ZBTB25: variants seen among roughly 807,000 people sequenced by gnomAD.
ZBTB25 encodes the protein zinc finger and BTB domain-containing protein 25.
ZBTB25 carries 20 observed loss-of-function variants against 34.2 expected under a neutral mutation model. That is an observed-to-expected ratio of 0.58 (90% CI 0.41 to 0.85). The LOEUF (loss-of-function observed/expected upper bound fraction) is 0.85, where lower values mean the gene tolerates loss of function less well. ZBTB25 is among the 40% of genes least tolerant of loss of function. ZBTB25 has a pLI of 0.00. For missense variants in ZBTB25, 437 were observed against 521.8 expected, an observed-to-expected ratio of 0.84 and a Z score of 1.58; for synonymous variants, 175 against 186.4, an observed-to-expected ratio of 0.94 and a Z score of 0.50.
intron 1 of ZBTB25, among the ~76,000 whole-genome samples, chr14:64,500,475 AAG>A (rs1555345815): frequency 5.7e-5 from 4 of 70,600 alleles, no homozygotes; most frequent in East Asian, 7.5e-4. Context: ...AAAAAAAAAA[AAG>A]AGAGAGAGAG....
At position 64,484,781 on chromosome 14, in the gene ZBTB25, T is replaced by C. The variant is rs1425681858; in HGVS notation, c.*2142A>G. 2 of 155,024 alleles carry C rather than the reference T, an allele frequency of 1.3e-5. No homozygotes were observed. The highest frequency in any genetic ancestry group is 4.8e-5 in the African/African-American group (2 of 41,496). 9.6% of individuals were successfully genotyped at this position (155,024 alleles called of 1,614,324 possible). ...CTTAATAAGAACAATAGAATTTGAATTGAAGAAGGCTAGGAAATATATCTT... is the reference window on the plus strand; with the variant it reads ...CTTAATAAGAACAATAGAATTTGAACTGAAGAAGGCTAGGAAATATATCTT... On this transcript the variant is annotated 3_prime_UTR_variant, in exon 3 of 3. Transcript: ENST00000608382.
intron 2 of ZBTB25, among the ~76,000 whole-genome samples, chr14:64,456,338 G>A (rs1487040140): frequency 6.6e-6 from 1 of 152,174 alleles, no homozygotes; most frequent in Non-Finnish European, 1.5e-5. Context: ...TGCCGTTGGG[G>A]CCTTAACGAG....
At chr14:64,499,923 T>C (rs1005510052) in intron 1 of ZBTB25, among the ~76,000 whole-genome samples, 2 of 152,198 alleles carry the variant, frequency 1.3e-5, no homozygotes, top group African/African-American at 4.8e-5. Context: ...AAACGTTAGT[T>C]TGGGGCCTCC....
intron 2 of ZBTB25, among the ~76,000 whole-genome samples, chr14:64,489,199 G>C (rs1263877576): frequency 6.6e-6 from 1 of 152,052 alleles, no homozygotes; most frequent in Non-Finnish European, 1.5e-5. Flanking sequence ...AGTGAGCTGA[G>C]ATCATGCCAC....
intron 1 of ZBTB25, among the ~76,000 whole-genome samples, chr14:64,495,662 T>G (rs2079246130): frequency 6.6e-6 from 1 of 152,230 alleles, no homozygotes; most frequent in South Asian, 2.1e-4. Context: ...TATTAATTTT[T>G]AAAACTTTTA....
chr14:64,474,595 A>G (rs546415563), downstream of ZBTB25: 16 of 163,722 alleles, frequency 9.8e-5, no homozygotes, highest in African/African-American at 3.8e-4. Context: ...CTGAGTTCGC[A>G]CTACCAAAAG....
At chr14:64,488,099 C>T in intron 2 of ZBTB25, 42 bp from the exon 3 acceptor site, 3 of 1,583,082 alleles carry the variant, frequency 1.9e-6, no homozygotes, top group Non-Finnish European at 2.6e-6. Flanking sequence ...TGAAACACAA[C>T]CTAGCTGGCC....
intron 2 of ZBTB25, chr14:64,454,824 C>A (rs763646367): frequency 6.2e-7 from 1 of 1,614,176 alleles, no homozygotes; most frequent in South Asian, 1.1e-5. Context: ...TGCCCATTCG[C>A]GACATCCGCG....
intron 2 of ZBTB25, chr14:64,469,062 T>C: frequency 6.2e-7 from 1 of 1,614,142 alleles, no homozygotes; most frequent in Non-Finnish European, 8.5e-7. Context: ...CATTCTGCTA[T>C]TCAAACGGGA....
In ZBTB25 at chr14:64,485,687, T is replaced by C. The variant is rs898940168; in HGVS notation, c.*1236A>G. 4.1e-6 allele frequency: 4 copies of C among 985,416 alleles called. No individual in the cohort carries two copies. Among genetic ancestry groups the C allele is most frequent in the Non-Finnish European group, 4.8e-6 (4 of 829,924 alleles). 61.0% of individuals were successfully genotyped at this position (985,416 alleles called of 1,614,324 possible). On this transcript the variant is annotated 3_prime_UTR_variant, in exon 3 of 3. Transcript: ENST00000608382. ...AGGAAAAAAGTGAAAACTGTGCCAC[T>C]GAAAAATTACTTTTTCAGTGATTTT...
At chr14:64,504,405 T>G (rs1555346864), upstream of ZBTB25, 1 of 152,622 alleles carries the variant, frequency 6.6e-6, no homozygotes, top group Non-Finnish European at 1.5e-5. Context: ...GAAAGCAGCC[T>G]CGCATCCTGC....
intron 2 of ZBTB25, chr14:64,467,065 A>G (rs923985151): frequency 5.3e-5 from 8 of 152,246 alleles, no homozygotes; most frequent in African/African-American, 1.9e-4. Flanking sequence ...TTATGAGTTG[A>G]TAAGTGCCTT....
chr14:64,473,470 T>G (rs1237826928), downstream of ZBTB25: 1 of 167,100 alleles, frequency 6.0e-6, no homozygotes, highest in African/African-American at 2.4e-5. Context: ...TGAACAGGCT[T>G]GCTAAAGGCA....
downstream of ZBTB25, among the ~76,000 whole-genome samples, chr14:64,475,214 CGGA>C (rs2078708515): frequency 1.3e-5 from 2 of 151,982 alleles, no homozygotes; most frequent in Admixed American, 1.3e-4. Context: ...CCGAGGCGGG[CGGA>C]TCACAAGGTC....
At chr14:64,488,841 C>A (rs1431145184) in intron 2 of ZBTB25, among the ~76,000 whole-genome samples, 1 of 152,050 alleles carries the variant, frequency 6.6e-6, no homozygotes, top group Non-Finnish European at 1.5e-5. Flanking sequence ...AATGGTTGTA[C>A]AACATTGCGA....
chr14:64,501,357 G>A (rs2079491622), intron 1 of ZBTB25, among the ~76,000 whole-genome samples: 1 of 152,110 alleles, frequency 6.6e-6, no homozygotes, highest in Admixed American at 6.5e-5. Flanking sequence ...CCTAAGCTTA[G>A]GACACACAAT....
chr14:64,461,573 C>CTTTTTTTTTTTTTTT (rs10690989), intron 2 of ZBTB25: 2 of 94,998 alleles, frequency 2.1e-5, no homozygotes, highest in Non-Finnish European at 3.9e-5. Flanking sequence ...TTTTTTTTTC[C>CTTTTTTTTTTTTTTT]TTTTTTTTTT....
upstream of ZBTB25, chr14:64,504,089 A>C (rs2079592052): frequency 6.6e-6 from 1 of 152,024 alleles, no homozygotes; most frequent in African/African-American, 2.4e-5. Flanking sequence ...TTCTGGGGTG[A>C]AGGTGGGGGT....
intron 1 of ZBTB25, among the ~76,000 whole-genome samples, chr14:64,497,303 T>A (rs1441481782): frequency 6.6e-6 from 1 of 152,226 alleles, no homozygotes; most frequent in Non-Finnish European, 1.5e-5. Context: ...CATTTTCTAA[T>A]ACAACCTACT....
Sources: allele counts gnomAD v4.1 joint callset (sites outside exome capture counted in the v4.1 genomes callset), GRCh38; gene constraint gnomAD v4.1.1; transcripts MANE v1.5; gene names NCBI Gene and HGNC (gene_info 2026-07-23, HGNC 2026-07-21).